GRIK1: variants seen among roughly 807,000 people sequenced by gnomAD.
GRIK1 encodes the protein glutamate receptor ionotropic, kainate 1.
GRIK1 carries 69 observed loss-of-function variants against 105.7 expected under a neutral mutation model. The ratio of observed to expected loss-of-function variants is 0.65; its 90% CI spans 0.54 to 0.80. The LOEUF is 0.80. Ranked by LOEUF, GRIK1 falls within the 30% of genes least tolerant of loss-of-function variation. The pLI is 0.00. For missense variants in GRIK1, 1,109 were observed against 1,167.3 expected (o/e 0.95, Z 0.73); for synonymous variants, 438 against 431.3 (o/e 1.02, Z -0.19).
intron 3 of GRIK1, among the ~76,000 whole-genome samples, chr21:29,675,145 C>T (rs954011862): frequency 2.0e-5 from 3 of 152,178 alleles, no homozygotes; most frequent in South Asian, 2.1e-4. Context: ...AGTTAAGTAA[C>T]TTACAAAGAT....
At chr21:29,849,202 AAAAAT>A (rs150739073) in intron 1 of GRIK1, among the ~76,000 whole-genome samples, 9,205 of 152,256 alleles carry the variant, frequency 0.06, 403 homozygotes, top group Non-Finnish European at 0.096. Flanking sequence ...CCTTTGAAGT[AAAAAT>A]AAAACATTTT....
At chr21:29,740,091 A>G (rs923147151) in intron 1 of GRIK1, among the ~76,000 whole-genome samples, 1 of 152,208 alleles carries the variant, frequency 6.6e-6, no homozygotes, top group Non-Finnish European at 1.5e-5. Flanking sequence ...TGACTATTAC[A>G]TTGTTTATTA....
intron 1 of GRIK1, among the ~76,000 whole-genome samples, chr21:29,863,561 T>A (rs1479103297): frequency 6.6e-6 from 1 of 152,230 alleles, no homozygotes; most frequent in East Asian, 1.9e-4. Context: ...GTTGTCCTGG[T>A]TTTCTTCTTC....
chr21:29,605,285 C>T (rs953659769), intron 7 of GRIK1, among the ~76,000 whole-genome samples: 3 of 152,150 alleles, frequency 2.0e-5, no homozygotes, highest in African/African-American at 7.2e-5. Flanking sequence ...TCTCATCATT[C>T]AACTCCCACT....
intron 1 of GRIK1, among the ~76,000 whole-genome samples, chr21:29,894,464 A>C (rs1006160240): frequency 1.3e-5 from 2 of 152,180 alleles, no homozygotes; most frequent in Admixed American, 6.5e-5. Context: ...AGACTCAGCA[A>C]GTCTGTTCTT....
chr21:29,770,489 TGCACATGTAG>T (rs1309384392), intron 1 of GRIK1, among the ~76,000 whole-genome samples: 1 of 152,192 alleles, frequency 6.6e-6, no homozygotes, highest in Non-Finnish European at 1.5e-5. Flanking sequence ...ATATAAAACA[TGCACATGTAG>T]CCACCACTGT....
At chr21:29,724,581 C>T (rs755593564) in intron 1 of GRIK1, among the ~76,000 whole-genome samples, 1 of 152,152 alleles carries the variant, frequency 6.6e-6, no homozygotes, top group Non-Finnish European at 1.5e-5. Flanking sequence ...ATGGGAGAGA[C>T]GTTTTATGAT....
chr21:29,580,165 A>G (rs549350253), intron 13 of GRIK1, among the ~76,000 whole-genome samples: 58 of 144,566 alleles, frequency 4.0e-4, no homozygotes, highest in Non-Finnish European at 7.7e-4. Context: ...ACATACATAT[A>G]TATATATATG....
chr21:29,749,231 T>C (rs2065119494), intron 1 of GRIK1: 1 of 152,256 alleles, frequency 6.6e-6, no homozygotes, highest in African/African-American at 2.4e-5. Flanking sequence ...TAGCCTTAAC[T>C]TTCTGATGAG....
intron 1 of GRIK1, among the ~76,000 whole-genome samples, chr21:29,761,839 C>T (rs2065532878): frequency 6.6e-6 from 1 of 151,534 alleles, no homozygotes; most frequent in African/African-American, 2.4e-5. Flanking sequence ...CCTCCACCTC[C>T]CAGGTTCAAG....
intron 7 of GRIK1, among the ~76,000 whole-genome samples, chr21:29,604,812 A>G (rs2061581214): frequency 6.6e-6 from 1 of 152,198 alleles, no homozygotes; most frequent in Non-Finnish European, 1.5e-5. Context: ...CTTATTGGAC[A>G]CATTATCTGA....
chr21:29,728,031 GC>G (rs2064514004), intron 1 of GRIK1, among the ~76,000 whole-genome samples: 1 of 152,102 alleles, frequency 6.6e-6, no homozygotes, highest in African/African-American at 2.4e-5. Flanking sequence ...GTGAGATGAA[GC>G]CCACCCACAT....
chr21:29,888,200 TCTCTCTCTC>T (rs2069736306), intron 1 of GRIK1, among the ~76,000 whole-genome samples: 5 of 31,614 alleles, frequency 1.6e-4, no homozygotes, highest in South Asian at 1.7e-3. Flanking sequence ...TTTCTTTCTC[TCTCTCTCTC>T]TCTCTCTCTC....
In GRIK1 at chr21:29,828,009, CTCTGTGTG is replaced by C. The variant is rs772701817; in HGVS notation, c.118+111366_118+111373del. ...TCTCTCTCTCTCTCTCTCTGTCTCT[CTCTGTGTG>C]TGTGTGTGTGTGTGTGTGGGTGTGT... On this transcript the variant is annotated intron_variant, in intron 1 of 17. Coordinates refer to ENST00000327783, the MANE Select transcript of GRIK1 (RefSeq NM_001330994.2). 1.5e-3 allele frequency among the ~76,000 whole-genome samples: 106 copies of C among 68,426 alleles called. No individual in the cohort carries two copies. In the East Asian group the frequency reaches 0.051, roughly 33 times the overall value. The allele number at this position is 68,426 out of a possible 152,430, so 44.9% of individuals were successfully genotyped here.
intron 6 of GRIK1, among the ~76,000 whole-genome samples, chr21:29,646,314 T>TC (rs762898280): frequency 1.3e-5 from 2 of 152,210 alleles, no homozygotes; most frequent in Non-Finnish European, 2.9e-5. Flanking sequence ...GGCAATACTT[T>TC]CTAGTTGTCA....
intron 1 of GRIK1, among the ~76,000 whole-genome samples, chr21:29,806,684 T>A (rs1402565695): frequency 6.6e-6 from 1 of 152,144 alleles, no homozygotes; most frequent in Admixed American, 6.6e-5. Flanking sequence ...TAGCATTAAT[T>A]AATTCATATA....
chr21:29,630,970 G>T (rs1241005712), intron 7 of GRIK1, among the ~76,000 whole-genome samples: 2 of 151,586 alleles, frequency 1.3e-5, no homozygotes, highest in Admixed American at 6.6e-5. Flanking sequence ...AATTTTTTTT[G>T]TTTGTTTTTT....
At chr21:29,616,343 T>C (rs1292610281) in intron 7 of GRIK1, among the ~76,000 whole-genome samples, 1 of 152,238 alleles carries the variant, frequency 6.6e-6, no homozygotes, top group Non-Finnish European at 1.5e-5. Flanking sequence ...ACTTTTTCTT[T>C]CAGCTCTAGG....
intron 14 of GRIK1, among the ~76,000 whole-genome samples, chr21:29,568,859 A>G (rs1210280356): frequency 2.0e-5 from 3 of 152,220 alleles, no homozygotes; most frequent in Admixed American, 6.5e-5. Context: ...TAACCTCAGT[A>G]CTGACCATAT....
Sources: allele counts gnomAD v4.1 joint callset (sites outside exome capture counted in the v4.1 genomes callset), GRCh38; gene constraint gnomAD v4.1.1; transcripts MANE v1.5; gene names NCBI Gene and HGNC (gene_info 2026-07-23, HGNC 2026-07-21).